PRKCD: variants seen among roughly 807,000 people sequenced by gnomAD.
PRKCD encodes the protein protein kinase C delta type.
PRKCD carries 20 observed loss-of-function variants against 82.2 expected under a neutral mutation model. That is an observed-to-expected ratio of 0.24 (90% CI 0.17 to 0.35). The LOEUF (loss-of-function observed/expected upper bound fraction) is 0.35, where lower values mean the gene tolerates loss of function less well. PRKCD is among the 10% of genes least tolerant of loss of function. The pLI is 1.00. For synonymous variants in PRKCD, 317 were observed against 337.0 expected, an observed-to-expected ratio of 0.94 and a Z score of 0.65; for missense variants, 607 against 899.0, an observed-to-expected ratio of 0.68 and a Z score of 4.15.
intron 5 of PRKCD, 64 bp from the exon 6 acceptor site, chr3:53,181,380 G>C: frequency 3.1e-6 from 5 of 1,610,470 alleles, no homozygotes; most frequent in Non-Finnish European, 4.2e-6. Flanking sequence ...CACCCTGGGA[G>C]GGACTGTAGG....
At chr3:53,187,160 C>A (rs1176499069) in intron 14 of PRKCD, among the ~76,000 whole-genome samples, 180 bp from the exon 15 acceptor site, 2 of 152,246 alleles carry the variant, frequency 1.3e-5, no homozygotes, top group Non-Finnish European at 2.9e-5. Flanking sequence ...CCCTTCAGAA[C>A]TTTCTGCCTG....
In PRKCD at chr3:53,166,169, TG is replaced by T. The variant is rs202207223; in HGVS notation, c.-20+959del. Among the ~76,000 whole-genome samples the T allele has an allele frequency of 8.8e-3, 1,334 of 152,208 alleles. 23 individuals carry two copies. The highest frequency in any genetic ancestry group is 0.03 in the African/African-American group (1,265 of 41,536). ...GGGCTTCCTGGGCCTGACTCTGGGT[TG>T]GGGGCAGAAGGGAGGTCAGGGCCTT... is the stretch of plus-strand genomic sequence containing the variant. On this transcript the variant is annotated intron_variant, in intron 2 of 18. Coordinates refer to ENST00000330452, the MANE Select transcript of PRKCD (RefSeq NM_006254.4).
chr3:53,182,158 C>T (rs377006397), intron 7 of PRKCD, among the ~76,000 whole-genome samples: 49 of 152,284 alleles, frequency 3.2e-4, no homozygotes, highest in Admixed American at 6.5e-4. Flanking sequence ...ATACACGAGG[C>T]GCCGCAGGCT....
At chr3:53,183,054 A>G (rs1575537741) in intron 7 of PRKCD, 67 bp from the exon 8 acceptor site, 3 of 1,527,366 alleles carry the variant, frequency 2.0e-6, no homozygotes, top group Non-Finnish European at 2.7e-6. Flanking sequence ...GTCGGCAGGC[A>G]CCAGCTCATA....
chr3:53,188,214 A>AAAAAAAAT (rs1575543848), intron 15 of PRKCD, among the ~76,000 whole-genome samples: 3 of 148,908 alleles, frequency 2.0e-5, no homozygotes, highest in East Asian at 3.9e-4. Flanking sequence ...AAAAAAAAAA[A>AAAAAAAAT]GGTGGGAGCG....
At chr3:53,171,248 G>T (rs1273545241) in intron 2 of PRKCD, among the ~76,000 whole-genome samples, 1 of 152,168 alleles carries the variant, frequency 6.6e-6, no homozygotes. Flanking sequence ...CTGAGCCCAG[G>T]ACTCCTCATA....
At chr3:53,189,822 C>A (rs782352390) in intron 17 of PRKCD, 51 bp from the exon 18 acceptor site, 1 of 1,609,674 alleles carries the variant, frequency 6.2e-7, no homozygotes, top group African/African-American at 1.3e-5. Flanking sequence ...TGCTGAAGCT[C>A]CAATTTCCCA....
Position 53,181,510 on chromosome 3 carries a change from T to C in PRKCD, c.443T>C (p.Ile148Thr). 6.2e-7 allele frequency: 1 copy of C among 1,614,202 alleles called. No homozygotes were observed. Among genetic ancestry groups the C allele is most frequent in the Non-Finnish European group, 8.5e-7 (1 of 1,180,038 alleles). The change falls in exon 6 of 19, where the codon ATC (isoleucine) becomes ACC (threonine). Residue 148 changes from isoleucine to threonine, a missense_variant. By Grantham distance (89) the Ile-to-Thr change is moderately conservative. Transcript: ENST00000330452. ...CCAACGATGAACCGCCGCGGAGCCA[T>C]CAAACAGGCCAAAATCCACTACATC... ...KFPTMNRRGA[I>T]KQAKIHYIKN...
chr3:53,192,082 C>A, intron 18 of PRKCD, 26 bp from the exon 19 acceptor site: 1 of 1,613,408 alleles, frequency 6.2e-7, no homozygotes, highest in Non-Finnish European at 8.5e-7. Context: ...AGGTCCTGTT[C>A]GCTCACCCCT....
Position 53,161,358 on chromosome 3 carries a change from C to G in PRKCD, c.-202C>G, listed in dbSNP as rs1269666127. 5 of 150,518 alleles carry G rather than the reference C, an allele frequency of 3.3e-5. No individual in the cohort carries two copies. Among genetic ancestry groups the G allele is most frequent in the Admixed American group, 1.3e-4 (2 of 15,120 alleles). The allele number at this position is 150,518 out of a possible 1,614,324, so 9.3% of individuals were successfully genotyped here. A position where few individuals can be genotyped will look rare whatever the true frequency, so the allele number is the denominator to read the frequency against. ...CAGTCAGCGCCGCGCCGAACCCCGT[C>G]CGCGCGCGCCGGGGAGCGGCGCCCC... On this transcript the variant is annotated 5_prime_UTR_variant, in exon 1 of 19. Transcript: ENST00000330452.
At chr3:53,170,293 C>T (rs369327949) in intron 2 of PRKCD, among the ~76,000 whole-genome samples, 5 of 152,372 alleles carry the variant, frequency 3.3e-5, no homozygotes, top group African/African-American at 9.6e-5. Context: ...CTCCCCACTT[C>T]CCCCTGGGTC....
chr3:53,189,254 C>G lies in PRKCD; in HGVS notation c.1743+8C>G. 1 of 1,553,060 alleles carries G rather than the reference C, an allele frequency of 6.4e-7. No individual in the cohort carries two copies. Among genetic ancestry groups the G allele is most frequent in the Admixed American group, 1.7e-5 (1 of 57,964 alleles). ...AAGGACATCCTGGAGAAGGTGGAGG[C>G]CCTGGGCTGGGCTGGGCTGGTCTGG... is the stretch of plus-strand genomic sequence containing the variant. On this transcript the variant is annotated splice_region_variant and intron_variant, in intron 17 of 18. Transcript: ENST00000330452.
intron 14 of PRKCD, 99 bp downstream of exon 14, chr3:53,186,794 C>T (rs1703714087): frequency 8.0e-7 from 1 of 1,255,552 alleles, no homozygotes; most frequent in East Asian, 2.4e-5. Context: ...TTCCCTCTCC[C>T]TAGAAAAGCC....
rs1703742106 is a variant in PRKCD, at chr3:53,187,324, C to A, written c.1353-16C>A. On this transcript the variant is annotated splice_polypyrimidine_tract_variant and intron_variant, in intron 14 of 18. Transcript: ENST00000330452. Reference sequence around the variant, plus strand: ...GGCAGAGATCCCGGAACACTTTATCCCTCTCTCTTGCCCAGGTTTTATGCC... The same window carrying A: ...GGCAGAGATCCCGGAACACTTTATCACTCTCTCTTGCCCAGGTTTTATGCC... 6.2e-7 allele frequency: 1 copy of A among 1,613,992 alleles called. No individual in the cohort carries two copies. The highest frequency in any genetic ancestry group is 1.7e-5 in the Admixed American group (1 of 60,006).
intron 1 of PRKCD, among the ~76,000 whole-genome samples, chr3:53,164,459 T>G (rs782726562): frequency 1.1e-4 from 16 of 152,110 alleles, no homozygotes; most frequent in Non-Finnish European, 2.2e-4. Context: ...GGCGCGCACC[T>G]GTAATCTCAG....
intron 13 of PRKCD, 123 bp downstream of exon 13, chr3:53,186,463 C>T (rs1056590576): frequency 1.5e-5 from 21 of 1,398,954 alleles, no homozygotes; most frequent in Non-Finnish European, 1.9e-5. Flanking sequence ...GCTTTCCCCC[C>T]TCATGCCTCC....
At chr3:53,184,848 A>T in intron 9 of PRKCD, 26 bp from the exon 10 acceptor site, 1 of 1,608,074 alleles carries the variant, frequency 6.2e-7, no homozygotes, top group Non-Finnish European at 8.5e-7. Context: ...TCTGAGACTG[A>T]CAGCCCCGCT....
At chr3:53,163,564 C>T (rs1027575891) in intron 1 of PRKCD, among the ~76,000 whole-genome samples, 3 of 152,082 alleles carry the variant, frequency 2.0e-5, no homozygotes, top group African/African-American at 7.2e-5. Context: ...CCTCTCAAGG[C>T]TGAGTGTCCT....
chr3:53,176,135 G>A (rs1272219368), intron 2 of PRKCD, among the ~76,000 whole-genome samples: 1 of 152,168 alleles, frequency 6.6e-6, no homozygotes, highest in Admixed American at 6.5e-5. Context: ...CCACCAAGAG[G>A]TCAAGGGCAG....
Sources: allele counts gnomAD v4.1 joint callset (sites outside exome capture counted in the v4.1 genomes callset), GRCh38; gene constraint gnomAD v4.1.1; transcripts MANE v1.5; gene names NCBI Gene and HGNC (gene_info 2026-07-23, HGNC 2026-07-21).